The following ITGA2B variants were observed in gnomAD, a reference collection of about 807,000 sequenced individuals.
The protein encoded by ITGA2B is integrin alpha-IIb.
A neutral mutation model predicts 142.0 loss-of-function variants in ITGA2B; 91 were observed. That is an observed-to-expected ratio of 0.64 (90% CI 0.54 to 0.76). ITGA2B has a LOEUF of 0.76. ITGA2B is among the 30% of genes least tolerant of loss of function. ITGA2B has a pLI of 0.00. For synonymous variants in ITGA2B, 536 were observed against 567.2 expected, an observed-to-expected ratio of 0.94 and a Z score of 0.78; for missense variants, 1,231 against 1,350.8, an observed-to-expected ratio of 0.91 and a Z score of 1.39.
rs758651266 is a variant in ITGA2B at position 44,385,765 on chromosome 17, C to G, written c.409-49G>C. 52 of 1,612,886 alleles carry G rather than the reference C, an allele frequency of 3.2e-5. No individual in the cohort carries two copies. The South Asian group carries it at 5.3e-4, about 16-fold the overall frequency. ...GGACGGGCGCGAGACTTGGGCTCCT[C>G]CTGGCCCCAGGTGTCCCTGCCCCCG... On this transcript the variant is annotated intron_variant, in intron 3 of 29. Transcript: ENST00000262407.
intron 7 of ITGA2B, 54 bp from the exon 8 acceptor site, chr17:44,384,639 C>T: frequency 6.3e-7 from 1 of 1,593,302 alleles, no homozygotes; most frequent in South Asian, 1.1e-5. Flanking sequence ...ACAGAGGGGA[C>T]GGAGGGCAAA....
At chr17:44,372,733 A>G (rs1047267884) in intron 29 of ITGA2B, among the ~76,000 whole-genome samples, 12 of 151,606 alleles carry the variant, frequency 7.9e-5, no homozygotes, top group Admixed American at 3.3e-4. Context: ...GGTTCAAACA[A>G]TTCTCATGCC....
chr17:44,387,380 G>A (rs966956567), intron 1 of ITGA2B, among the ~76,000 whole-genome samples: 1 of 151,884 alleles, frequency 6.6e-6, no homozygotes, highest in Non-Finnish European at 1.5e-5. Flanking sequence ...AAAATTAGCC[G>A]GGCATGGTGG....
At chr17:44,377,198 CTTT>C (rs373144079) in intron 21 of ITGA2B, 110 bp from the exon 22 acceptor site, 101 of 701,602 alleles carry the variant, frequency 1.4e-4, no homozygotes, top group Middle Eastern at 2.7e-4. Context: ...TATTCTTTTT[CTTT>C]TTTTTTTTTT....
chr17:44,373,875 C>T, intron 29 of ITGA2B: 2 of 208,030 alleles, frequency 9.6e-6, no homozygotes, highest in East Asian at 1.2e-4. Context: ...TTTGTTTTGC[C>T]TTTTTTGCTC....
In ITGA2B at chr17:44,380,075, G is replaced by A; in HGVS notation, c.1679C>T (p.Ala560Val). 1.2e-6 allele frequency: 2 copies of A among 1,614,086 alleles called. No homozygotes were observed. Among genetic ancestry groups the A allele is most frequent in the South Asian group, 2.2e-5 (2 of 91,076 alleles). Residue 560 changes from alanine (A) to valine (V), a missense_variant, in exon 17 of 30, where the codon GCA becomes GTA. Ala to Val is a moderately conservative substitution (Grantham distance 64). This residue lies in a region of ITGA2B where 908 missense variants were observed against 1,021.1 expected (regional missense o/e 0.89). Transcript: ENST00000262407. The stretch of plus-strand genomic sequence containing the variant: ...CAGATCCAGGTTCAGGGTGGTGCCT[G>A]CCTGTTGAGAGCCCAGCAGCAGCAC... Reference protein sequence around the residue: ...RRVLLLGSQQAGTTLNLDLGG... With the variant: ...RRVLLLGSQQVGTTLNLDLGG...
intron 20 of ITGA2B, 77 bp downstream of exon 20, chr17:44,378,285 T>C (rs1037801188): frequency 2.4e-5 from 36 of 1,524,210 alleles, no homozygotes; most frequent in Non-Finnish European, 3.1e-5. Context: ...AGAGGGACTC[T>C]CAGGGAGGGA....
chr17:44,383,552 T>C lies in ITGA2B; in HGVS notation c.1151A>G (p.Tyr384Cys), dbSNP rs370148124. 5.0e-6 allele frequency: 8 copies of C among 1,611,940 alleles called. No homozygotes were observed. Among genetic ancestry groups the C allele is most frequent in the Middle Eastern group, 1.8e-4 (1 of 5,484 alleles). ...PSLLLTGTQL[Y>C]GRFGSAIAPL... ...TGCGATGGCAGAGCCGAATCGCCCATAGAGCTGTGTGCCAGTCAGCAGGAG... is the reference window on the plus strand; with the variant it reads ...TGCGATGGCAGAGCCGAATCGCCCACAGAGCTGTGTGCCAGTCAGCAGGAG... Residue 384 changes from tyrosine to cysteine, a missense_variant, in exon 12 of 30, where the codon TAT becomes TGT. By Grantham distance (194) the Tyr-to-Cys change is radical. Around this residue, in one of 3 missense-constraint regions of ITGA2B, gnomAD observed 908 missense variants for 1,021.1 expected, o/e 0.89. Transcript: ENST00000262407.
intron 18 of ITGA2B, among the ~76,000 whole-genome samples, chr17:44,379,047 C>G (rs552980543): frequency 6.6e-6 from 1 of 150,410 alleles, no homozygotes; most frequent in African/African-American, 2.5e-5. Flanking sequence ...CCGGGGTTCA[C>G]GCCATTCTCC....
chr17:44,374,735 T>G lies in ITGA2B; in HGVS notation c.2867A>C (p.Gln956Pro). ...YQRPLDQFVLQSHAWFNVSSL... is the reference protein window; with the variant it reads ...YQRPLDQFVLPSHAWFNVSSL... ...GGACACGTTGAACCATGCGTGCGAC[T>G]GCAGCACAAACTGATCCAGAGGCCT... The change falls in exon 28 of 30, where the codon CAG (glutamine) becomes CCG (proline). Residue 956 changes from glutamine (Q) to proline (P), a missense_variant. By Grantham distance (76) the Gln-to-Pro change is moderately conservative (BLOSUM62 -1). Around this residue, in one of 3 missense-constraint regions of ITGA2B, gnomAD observed 908 missense variants for 1,021.1 expected, o/e 0.89. Transcript: ENST00000262407. 1 of 1,614,052 alleles carries G rather than the reference T, an allele frequency of 6.2e-7. No homozygotes were observed. The highest frequency in any genetic ancestry group is 8.5e-7 in the Non-Finnish European group (1 of 1,180,012).
At chr17:44,385,415 G>A (rs1598382844) in intron 4 of ITGA2B, 80 bp from the exon 5 acceptor site, 7 of 1,550,498 alleles carry the variant, frequency 4.5e-6, no homozygotes, top group Non-Finnish European at 6.1e-6. Flanking sequence ...GGGGGACAGG[G>A]GCGGGGCCTT....
chr17:44,388,529 T>C (rs1162618675), intron 1 of ITGA2B, among the ~76,000 whole-genome samples: 2 of 150,398 alleles, frequency 1.3e-5, no homozygotes, highest in African/African-American at 4.9e-5. Context: ...GCTAATTTTT[T>C]TTTTTTTGAG....
At chr17:44,384,500 C>T (rs2048626161) in intron 8 of ITGA2B, 38 bp downstream of exon 8, 1 of 1,613,766 alleles carries the variant, frequency 6.2e-7, no homozygotes, top group Non-Finnish European at 8.5e-7. Context: ...CCTCCCCGGG[C>T]TGGGCTACCC....
intron 20 of ITGA2B, 110 bp downstream of exon 20, chr17:44,378,252 C>A (rs1175171089): frequency 3.0e-6 from 4 of 1,343,060 alleles, no homozygotes; most frequent in Non-Finnish European, 2.9e-6. Context: ...AAAATTACAT[C>A]TTTGACAGCA....
At position 44,385,595 on chromosome 17, in the gene ITGA2B, C is replaced by G; in HGVS notation, c.530G>C (p.Cys177Ser). 1 of 1,610,586 alleles carries G rather than the reference C, an allele frequency of 6.2e-7. No homozygotes were observed. The highest frequency in any genetic ancestry group is 8.5e-7 in the Non-Finnish European group (1 of 1,179,274). ...ESGRRAEYSP[C>S]RGNTLSRIYV... ...AATGCGGCTCAGGGTGTTCCCGCGA[C>G]AGGGGGAGTACTCGGCGCGGCGGCC... The change falls in exon 4 of 30, where the codon TGT (cysteine) becomes TCT (serine). Residue 177 changes from cysteine to serine, a missense_variant. Coordinates refer to ENST00000262407, the MANE Select transcript of ITGA2B (RefSeq NM_000419.5).
intron 12 of ITGA2B, 139 bp downstream of exon 12, chr17:44,383,354 A>T (rs1224323154): frequency 5.1e-6 from 4 of 790,482 alleles, no homozygotes; most frequent in Non-Finnish European, 2.1e-6. Context: ...TCTGCTCTCC[A>T]CTCAGCACCC....
In ITGA2B at chr17:44,385,052, G is replaced by A; in HGVS notation, c.695C>T (p.Ala232Val). 3 of 1,614,110 alleles carry A rather than the reference G, an allele frequency of 1.9e-6. No individual in the cohort carries two copies. The highest frequency in any genetic ancestry group is 2.5e-6 in the Non-Finnish European group (3 of 1,180,014). The change falls in exon 7 of 30, where the codon GCG becomes GTG. Residue 232 changes from alanine to valine, a missense_variant. Ala to Val is a moderately conservative substitution (Grantham distance 64, BLOSUM62 0). Coordinates refer to ENST00000262407, the MANE Select transcript of ITGA2B (RefSeq NM_000419.5). ...FLGLLAQAPV[A>V]DIFSSYRPGI... Reference sequence around the variant, plus strand: ...TGGGCGGTAACTCGAGAAAATATCCGCAACTGGAGCCTGGGCCAGGAGACC... The same window carrying A: ...TGGGCGGTAACTCGAGAAAATATCCACAACTGGAGCCTGGGCCAGGAGACC...
In ITGA2B at chr17:44,381,128, T is replaced by G. The variant is rs116003115; in HGVS notation, c.1211-67A>C. On this transcript the variant is annotated intron_variant, in intron 12 of 29. Transcript: ENST00000262407. Reference sequence around the variant, plus strand: ...GCCTCCCTAGATGACTGTAAAACTTTCCTGAGCTTCTCTGGGAACATCCCA... The same window carrying G: ...GCCTCCCTAGATGACTGTAAAACTTGCCTGAGCTTCTCTGGGAACATCCCA... 489 of 1,487,702 alleles carry G rather than the reference T, an allele frequency of 3.3e-4. 1 individual carries two copies. The African/African-American group carries it at 4.6e-3, about 14-fold the overall frequency. 92.2% of individuals were successfully genotyped at this position (1,487,702 alleles called of 1,614,324 possible). A position where few individuals can be genotyped will look rare whatever the true frequency, so the allele number is the denominator to read the frequency against.
chr17:44,372,556 T>A, intron 29 of ITGA2B, 133 bp from the exon 30 acceptor site: 1 of 701,436 alleles, frequency 1.4e-6, no homozygotes, highest in Admixed American at 2.5e-5. Context: ...TACTCACAAA[T>A]GGATGCCTTT....
Sources: allele counts gnomAD v4.1 joint callset (sites outside exome capture counted in the v4.1 genomes callset), GRCh38; gene constraint gnomAD v4.1.1; regional missense constraint gnomAD v4.1.1; transcripts MANE v1.5; gene names NCBI Gene and HGNC (gene_info 2026-07-23, HGNC 2026-07-21).